CSGALNACT1: variants seen among roughly 807,000 people sequenced by gnomAD.
CSGALNACT1 encodes the protein chondroitin sulfate N-acetylgalactosaminyltransferase 1.
Under a neutral mutation model 51.0 loss-of-function variants are expected in CSGALNACT1, and 52 were observed. The observed-to-expected ratio is 1.02, with a 90% confidence interval of 0.82 to 1.29. The LOEUF is 1.29. Ranked by LOEUF, CSGALNACT1 falls within the 50% of genes most tolerant of loss-of-function variation. The pLI is 0.00. For synonymous variants in CSGALNACT1, 341 were observed against 254.4 expected (o/e 1.34, Z -3.24); for missense variants, 935 against 679.2 (o/e 1.38, Z -4.19).
At chr8:19,658,279 C>G (rs1434244889) in intron 1 of CSGALNACT1, among the ~76,000 whole-genome samples, 1 of 152,036 alleles carries the variant, frequency 6.6e-6, no homozygotes, top group Non-Finnish European at 1.5e-5. Flanking sequence ...TAAGCTAGCA[C>G]CTTGATCTTG....
chr8:19,685,030 T>C (rs2060894549), upstream of CSGALNACT1, among the ~76,000 whole-genome samples: 1 of 152,200 alleles, frequency 6.6e-6, no homozygotes, highest in South Asian at 2.1e-4. Context: ...TAAATAACTA[T>C]ACATTTGTAA....
exon 1 of CSGALNACT1, chr8:19,602,316 A>G (rs1041862206): frequency 2.5e-4 from 38 of 152,510 alleles, no homozygotes; most frequent in African/African-American, 8.7e-4. Flanking sequence ...GTTCAGCGCC[A>G]CCACTTAAAA....
chr8:19,727,762 T>C (rs747953900), intron 1 of CSGALNACT1, among the ~76,000 whole-genome samples: 1 of 152,178 alleles, frequency 6.6e-6, no homozygotes, highest in Non-Finnish European at 1.5e-5. Context: ...TTTCCCATCC[T>C]TCCTGACACG....
chr8:19,589,037 C>T (rs1017042333), intron 3 of CSGALNACT1, among the ~76,000 whole-genome samples: 9 of 152,268 alleles, frequency 5.9e-5, no homozygotes, highest in South Asian at 2.1e-4. Context: ...CAAGCCTATC[C>T]CAGGGTCACG....
intron 3 of CSGALNACT1, among the ~76,000 whole-genome samples, chr8:19,517,882 C>A (rs763895728): frequency 6.6e-6 from 1 of 152,162 alleles, no homozygotes; most frequent in Non-Finnish European, 1.5e-5. Context: ...CAAACCATAT[C>A]ACACTCAGTT....
At chr8:19,555,195 C>T (rs575503225) in intron 3 of CSGALNACT1, among the ~76,000 whole-genome samples, 26 of 151,700 alleles carry the variant, frequency 1.7e-4, no homozygotes, top group South Asian at 1.0e-3. Flanking sequence ...GCCGAGATCG[C>T]GCCATTGCAC....
intron 1 of CSGALNACT1, among the ~76,000 whole-genome samples, chr8:19,658,112 G>T (rs913605154): frequency 7.0e-6 from 1 of 142,790 alleles, no homozygotes; most frequent in Non-Finnish European, 1.5e-5. Flanking sequence ...ACCCCCCAAT[G>T]TGATAGATTT....
intron 3 of CSGALNACT1, among the ~76,000 whole-genome samples, chr8:19,538,496 A>G (rs2154066850): frequency 6.6e-6 from 1 of 152,304 alleles, no homozygotes; most frequent in South Asian, 2.1e-4. Context: ...TGGGGGCAAC[A>G]AAAGTAGAGA....
intron 6 of CSGALNACT1, among the ~76,000 whole-genome samples, chr8:19,427,953 GTC>G (rs984077470): frequency 1.1e-4 from 16 of 152,140 alleles, no homozygotes; most frequent in Non-Finnish European, 1.0e-4. Flanking sequence ...GAGGGAAGCA[GTC>G]TCATCGTAGG....
chr8:19,477,421 C>T (rs536023925), intron 4 of CSGALNACT1, among the ~76,000 whole-genome samples: 5 of 152,258 alleles, frequency 3.3e-5, no homozygotes, highest in East Asian at 1.9e-4. Context: ...ACTTTTCCAG[C>T]GGACGATAGC....
chr8:19,429,909 A>G (rs921739646), intron 6 of CSGALNACT1, among the ~76,000 whole-genome samples: 3 of 152,242 alleles, frequency 2.0e-5, no homozygotes, highest in Non-Finnish European at 4.4e-5. Flanking sequence ...TGTGGATTAC[A>G]GCCATCCCGG....
At position 19,536,946 on chromosome 8, in the gene CSGALNACT1, G is replaced by T. The variant is rs149144489; in HGVS notation, c.-296-30816C>A. Among the ~76,000 whole-genome samples the T allele has an allele frequency of 5.4e-4, 82 of 152,254 alleles. No homozygotes were observed. The East Asian group carries it at 0.014, about 26-fold the overall frequency. ...TTCAACAAATGGTGCTGGTTCTGGAGCAAGTGAATATCCAATCTGAGAATC... is the reference window on the plus strand; with the variant it reads ...TTCAACAAATGGTGCTGGTTCTGGATCAAGTGAATATCCAATCTGAGAATC... On this transcript the variant is annotated intron_variant, in intron 3 of 9. Coordinates refer to ENST00000454498, the Ensembl canonical transcript of CSGALNACT1.
At chr8:19,449,464 C>T (rs1487663175) in intron 5 of CSGALNACT1, among the ~76,000 whole-genome samples, 2 of 152,172 alleles carry the variant, frequency 1.3e-5, no homozygotes, top group Non-Finnish European at 1.5e-5. Context: ...CCAACATTTG[C>T]TGACCTGAGG....
chr8:19,600,987 ACT>A (rs1483604276), intron 2 of CSGALNACT1, among the ~76,000 whole-genome samples: 6 of 151,782 alleles, frequency 4.0e-5, no homozygotes, highest in African/African-American at 7.2e-5. Context: ...AAAAAAAAAG[ACT>A]CTCTGCTGAA....
intron 1 of CSGALNACT1, among the ~76,000 whole-genome samples, chr8:19,660,032 T>A (rs2058626715): frequency 6.6e-6 from 1 of 152,244 alleles, no homozygotes; most frequent in East Asian, 1.9e-4. Context: ...TGTCCCAGTC[T>A]TATAGATGGG....
chr8:19,534,057 A>T (rs531270857), intron 3 of CSGALNACT1, among the ~76,000 whole-genome samples: 1 of 152,272 alleles, frequency 6.6e-6, no homozygotes, highest in African/African-American at 2.4e-5. Flanking sequence ...TAAATTTAAA[A>T]TAAGTATAAT....
At chr8:19,408,509 TACCACCTTCCCA>T (rs1038774477) in intron 9 of CSGALNACT1, 92 bp downstream of exon 8, 4 of 481,520 alleles carry the variant, frequency 8.3e-6, no homozygotes, top group African/African-American at 7.6e-5. Context: ...AAGGCAATGG[TACCACCTTCCCA>T]ACCAGACTCC....
chr8:19,675,824 C>T (rs1452596704), intron 1 of CSGALNACT1, among the ~76,000 whole-genome samples: 3 of 152,040 alleles, frequency 2.0e-5, no homozygotes, highest in Non-Finnish European at 1.5e-5. Flanking sequence ...CCCACTCTGC[C>T]CAAGGTCTCA....
In CSGALNACT1 at chr8:19,556,981, C is replaced by CAA. The variant is rs1369093003; in HGVS notation, c.-297+34177_-297+34178dup. Among the ~76,000 whole-genome samples the CAA allele has an allele frequency of 4.1e-3, 435 of 105,544 alleles. 1 individual carries two copies. The highest frequency in any genetic ancestry group is 0.012 in the African/African-American group (376 of 30,946). 69.2% of individuals were successfully genotyped at this position (105,544 alleles called of 152,430 possible). On this transcript the variant is annotated intron_variant, in intron 3 of 9. Coordinates refer to ENST00000454498, the Ensembl canonical transcript of CSGALNACT1. ...AGAAGGATCATACTCTCTGCCCAGCCAAAAAAAAAAAAAAAAGTCTTCAAC... is the reference window on the plus strand; with the variant it reads ...AGAAGGATCATACTCTCTGCCCAGCCAAAAAAAAAAAAAAAAAAGTCTTCAAC...
Sources: allele counts gnomAD v4.1 joint callset (sites outside exome capture counted in the v4.1 genomes callset), GRCh38; gene constraint gnomAD v4.1.1; transcripts MANE v1.5; gene names NCBI Gene and HGNC (gene_info 2026-07-23, HGNC 2026-07-21).